The following WDR1 variants were observed in gnomAD, a reference collection of about 807,000 sequenced individuals.
The protein encoded by WDR1 is WD repeat domain 1.
Under a neutral mutation model 71.9 loss-of-function variants are expected in WDR1, and 21 were observed. That is an observed-to-expected ratio of 0.29 (90% CI 0.21 to 0.42). The LOEUF (loss-of-function observed/expected upper bound fraction) is 0.42. Ranked by LOEUF, WDR1 falls within the 10% of genes least tolerant of loss-of-function variation. WDR1 has a pLI of 1.00. For missense variants in WDR1, 696 were observed against 824.5 expected (o/e 0.84, Z 1.91); for synonymous variants, 424 against 347.4 (o/e 1.22, Z -2.45).
At chr4:10,108,228 C>T (rs576660071) in intron 2 of WDR1, 1 of 152,308 alleles carries the variant, frequency 6.6e-6, no homozygotes, top group East Asian at 1.9e-4. Flanking sequence ...TTTCCTATGT[C>T]CTCCCAGTCT....
intron 3 of WDR1, among the ~76,000 whole-genome samples, chr4:10,101,383 G>T (rs1305922942): frequency 6.6e-6 from 1 of 152,206 alleles, no homozygotes; most frequent in Non-Finnish European, 1.5e-5. Context: ...CTCTTTCTCA[G>T]CCCCCTTCTC....
intron 11 of WDR1, among the ~76,000 whole-genome samples, chr4:10,080,523 T>G (rs1764971997): frequency 1.3e-5 from 2 of 152,260 alleles, no homozygotes; most frequent in African/African-American, 4.8e-5. Flanking sequence ...AGAAATCCAC[T>G]GTCCCTAACG....
In WDR1 at chr4:10,097,786, C is replaced by T. The variant is rs780978663; in HGVS notation, c.483G>A (p.Arg161=). ...AGTTATCATCGCTTCCCGTGGCCAG[C>T]CGGTATGGCCGGCTCTGCTTGATGT... is the stretch of plus-strand genomic sequence containing the variant. ...SVDIKQSRPY[R]LATGSDDNCA... Residue 161 remains arginine (R), a synonymous_variant, in exon 5 of 15, where the codon CGG becomes CGA. Transcript: ENST00000499869. The T allele has an allele frequency of 6.2e-7, 1 of 1,613,848 alleles. No homozygotes were observed. The highest frequency in any genetic ancestry group is 2.2e-5 in the East Asian group (1 of 44,866).
intron 5 of WDR1, chr4:10,092,753 C>A (rs1036195993): frequency 1.8e-5 from 5 of 274,990 alleles, no homozygotes; most frequent in Non-Finnish European, 3.0e-5. Context: ...CACACGGAGG[C>A]CCGGCCAGTG....
At chr4:10,085,271 G>A (rs897134714) in intron 8 of WDR1, among the ~76,000 whole-genome samples, 5 of 152,202 alleles carry the variant, frequency 3.3e-5, no homozygotes, top group Non-Finnish European at 5.9e-5. Flanking sequence ...GGGCTTTTCC[G>A]CAGGAATTCT....
chr4:10,097,809 T>C lies in WDR1; in HGVS notation c.460A>G (p.Ile154Val), dbSNP rs2109676445. The change falls in exon 5 of 15, where the codon ATC becomes GTC. Residue 154 changes from isoleucine (I) to valine (V), a missense_variant. Transcript: ENST00000499869. Reference sequence around the variant, plus strand: ...AGCCGGTATGGCCGGCTCTGCTTGATGTCCACGCTGTTGATGACTTTGTTG... The same window carrying C: ...AGCCGGTATGGCCGGCTCTGCTTGACGTCCACGCTGTTGATGACTTTGTTG... ...GHNKVINSVD[I>V]KQSRPYRLAT... is the part of the protein sequence containing the mutation. 1.9e-6 allele frequency: 3 copies of C among 1,613,488 alleles called. No homozygotes were observed. Among genetic ancestry groups the C allele is most frequent in the Non-Finnish European group, 2.5e-6 (3 of 1,179,842 alleles).
Position 10,116,711 on chromosome 4 carries a change from G to A in WDR1, c.-45C>T. The A allele has an allele frequency of 7.5e-7, 1 of 1,328,818 alleles. No individual in the cohort carries two copies. Among genetic ancestry groups the A allele is most frequent in the Non-Finnish European group, 9.7e-7 (1 of 1,034,938 alleles). The allele number at this position is 1,328,818 out of a possible 1,614,324, so 82.3% of individuals were successfully genotyped here. On this transcript the variant is annotated 5_prime_UTR_variant, in exon 1 of 15. Transcript: ENST00000499869. The stretch of plus-strand genomic sequence containing the variant: ...CGCCGCGCTCGCCGAGAGCCTCCGG[G>A]GCCGGCCCGCGCTGCGAATTACACC...
intron 1 of WDR1, 200 bp from the exon 2 acceptor site, chr4:10,116,434 T>TC: frequency 1.2e-6 from 1 of 821,380 alleles, no homozygotes; most frequent in Non-Finnish European, 1.7e-6. Context: ...GCAGCGGGGC[T>TC]CCTCCGGCTC....
intron 8 of WDR1, among the ~76,000 whole-genome samples, chr4:10,086,310 TC>T (rs1176149205): frequency 5.9e-5 from 9 of 152,164 alleles, no homozygotes; most frequent in African/African-American, 2.2e-4. Context: ...AAGGAGGCGC[TC>T]CCGATTCCCC....
In WDR1 at chr4:10,109,432, T is replaced by C. The variant is rs1370214694; in HGVS notation, c.139-5446A>G. Among the ~76,000 whole-genome samples the C allele has an allele frequency of 2.0e-5, 3 of 152,244 alleles. No individual in the cohort carries two copies. In the East Asian group the frequency reaches 5.8e-4, roughly 29 times the overall value. On this transcript the variant is annotated intron_variant, in intron 2 of 14. Transcript: ENST00000499869. ...TCTTCCTTACGGTTGGTCTCAATGTTAGTGTGATTCTTTAATACAGAGAAT... is the reference window on the plus strand; with the variant it reads ...TCTTCCTTACGGTTGGTCTCAATGTCAGTGTGATTCTTTAATACAGAGAAT...
chr4:10,078,103 C>T (rs1040579766), intron 12 of WDR1, among the ~76,000 whole-genome samples, 177 bp from the exon 13 acceptor site: 10 of 152,260 alleles, frequency 6.6e-5, no homozygotes, highest in African/African-American at 2.4e-4. Flanking sequence ...GAAACCTACG[C>T]AGCTCTATGA....
In WDR1 at chr4:10,116,741, C is replaced by A; in HGVS notation, c.-75G>T. 2 of 1,273,316 alleles carry A rather than the reference C, an allele frequency of 1.6e-6. No individual in the cohort carries two copies. Among genetic ancestry groups the A allele is most frequent in the South Asian group, 2.4e-5 (1 of 41,978 alleles). The allele number at this position is 1,273,316 out of a possible 1,614,324, so 78.9% of individuals were successfully genotyped here. On this transcript the variant is annotated 5_prime_UTR_variant, in exon 1 of 15. Transcript: ENST00000499869. Reference sequence around the variant, plus strand: ...GCCCGCGCTGCGAATTACACCTCGCCGAGGCCGAGCCCGGGGACTGGAGCC... The same window carrying A: ...GCCCGCGCTGCGAATTACACCTCGCAGAGGCCGAGCCCGGGGACTGGAGCC...
chr4:10,092,871 C>A (rs769237663), intron 5 of WDR1: 1 of 404,906 alleles, frequency 2.5e-6, no homozygotes, highest in Non-Finnish European at 4.8e-6. Flanking sequence ...AGCCAACCAG[C>A]GGGGCTGCAG....
chr4:10,074,694 G>C lies in WDR1; in HGVS notation c.*684C>G, dbSNP rs901640426. ...CAAGGGTTCTAAAAACTTGGACACG[G>C]TGCCGTCAACGCACTAGTTTGTAAA... On this transcript the variant is annotated 3_prime_UTR_variant, in exon 15 of 15. Transcript: ENST00000499869. The C allele has an allele frequency of 6.6e-6, 1 of 152,550 alleles. No individual in the cohort carries two copies. The highest frequency in any genetic ancestry group is 1.5e-5 in the Non-Finnish European group (1 of 68,036). The allele number at this position is 152,550 out of a possible 1,614,324, so 9.4% of individuals were successfully genotyped here. A position where few individuals can be genotyped will look rare whatever the true frequency, so the allele number is the denominator to read the frequency against.
At chr4:10,110,550 CGT>C (rs910674059) in intron 2 of WDR1, among the ~76,000 whole-genome samples, 2 of 152,148 alleles carry the variant, frequency 1.3e-5, no homozygotes, top group Non-Finnish European at 2.9e-5. Context: ...CCACCTCTGC[CGT>C]GTGTCTCAAC....
At chr4:10,079,075 G>T in intron 11 of WDR1, 74 bp from the exon 12 acceptor site, 1 of 1,248,334 alleles carries the variant, frequency 8.0e-7, no homozygotes, top group Non-Finnish European at 1.1e-6. Context: ...GGAGGGGCGC[G>T]TCCCTGTCGG....
Position 10,074,594 on chromosome 4 carries a change from A to G in WDR1, c.*784T>C, listed in dbSNP as rs1764723780. 6.6e-6 allele frequency: 1 copy of G among 152,662 alleles called. No individual in the cohort carries two copies. The highest frequency in any genetic ancestry group is 1.5e-5 in the Non-Finnish European group (1 of 68,044). 9.5% of individuals were successfully genotyped at this position (152,662 alleles called of 1,614,324 possible). A position where few individuals can be genotyped will look rare whatever the true frequency, so the allele number is the denominator to read the frequency against. ...CCTTAAATTAACCTTTGCTCTTGAG[A>G]GCAGAAGAGGGAAAGACAGGGGAAC... On this transcript the variant is annotated 3_prime_UTR_variant, in exon 15 of 15. Transcript: ENST00000499869.
At position 10,077,945 on chromosome 4, in the gene WDR1, G is replaced by A. The variant is rs1208572791; in HGVS notation, c.1396-19C>T. 1.3e-6 allele frequency: 2 copies of A among 1,588,636 alleles called. No homozygotes were observed. Among genetic ancestry groups the A allele is most frequent in the African/African-American group, 1.3e-5 (1 of 74,424 alleles). ...TGCCGTCCTACGGCAGGGACAGAGA[G>A]GAAGTGAGCCACCCCTGAACACACA... On this transcript the variant is annotated intron_variant, in intron 12 of 14. Transcript: ENST00000499869.
At chr4:10,092,974 ACTGAC>A (rs1712095654) in intron 5 of WDR1, 3 of 1,035,484 alleles carry the variant, frequency 2.9e-6, no homozygotes, top group Non-Finnish European at 4.0e-6. Context: ...CATAGCCAAG[ACTGAC>A]CTGTATCAAC....
Sources: allele counts gnomAD v4.1 joint callset (sites outside exome capture counted in the v4.1 genomes callset), GRCh38; gene constraint gnomAD v4.1.1; transcripts MANE v1.5; gene names NCBI Gene and HGNC (gene_info 2026-07-23, HGNC 2026-07-21).